DCN: variants seen among roughly 807,000 people sequenced by gnomAD.
DCN encodes the protein decorin, also known as bone proteoglycan II.
DCN carries 17 observed loss-of-function variants against 36.5 expected under a neutral mutation model. The observed-to-expected ratio is 0.47, with a 90% confidence interval of 0.32 to 0.70. The LOEUF is 0.70. Among genes scored for constraint, DCN ranks in the 30% least tolerant of loss-of-function variants. DCN has a pLI of 0.04. For missense variants in DCN, 389 were observed against 430.1 expected (o/e 0.90, Z 0.84); for synonymous variants, 163 against 161.4 (o/e 1.01, Z -0.07).
chr12:91,172,922 C>T (rs923797409), intron 2 of DCN: 1 of 563,784 alleles, frequency 1.8e-6, no homozygotes, highest in Non-Finnish European at 3.1e-6. Flanking sequence ...ATTGTATAAT[C>T]ACAGATATGT....
At chr12:91,159,683 T>C (rs2121218584) in intron 3 of DCN, among the ~76,000 whole-genome samples, 1 of 152,168 alleles carries the variant, frequency 6.6e-6, no homozygotes, top group African/African-American at 2.4e-5. Flanking sequence ...TCTCCTTATA[T>C]AAGAAATTAC....
chr12:91,162,526 C>T (rs1249751458), intron 3 of DCN, among the ~76,000 whole-genome samples: 2 of 152,070 alleles, frequency 1.3e-5, no homozygotes, highest in Non-Finnish European at 2.9e-5. Flanking sequence ...TGCCTATTCT[C>T]ATGACATATC....
intron 5 of DCN, among the ~76,000 whole-genome samples, chr12:91,155,099 C>T (rs981203067): frequency 4.6e-5 from 7 of 152,100 alleles, no homozygotes; most frequent in African/African-American, 1.7e-4. Flanking sequence ...ATTAGATAAG[C>T]ATAACGATGA....
chr12:91,164,478 AGGT>A, intron 3 of DCN, 124 bp downstream of exon 3: 1 of 445,410 alleles, frequency 2.2e-6, no homozygotes, highest in Non-Finnish European at 4.0e-6. Flanking sequence ...AAAAAAAAAA[AGGT>A]GAAGTTAATA....
At chr12:91,163,715 A>T (rs1882311778) in intron 3 of DCN, among the ~76,000 whole-genome samples, 1 of 152,230 alleles carries the variant, frequency 6.6e-6, no homozygotes, top group South Asian at 2.1e-4. Flanking sequence ...AATCCTAAAG[A>T]TAAAGCAAGA....
chr12:91,152,169 A>G (rs1881473359), intron 6 of DCN, among the ~76,000 whole-genome samples: 1 of 152,150 alleles, frequency 6.6e-6, no homozygotes, highest in African/African-American at 2.4e-5. Flanking sequence ...ATAAACAAAT[A>G]TTCTTGAAAA....
chr12:91,155,367 A>C (rs969900353), intron 5 of DCN, among the ~76,000 whole-genome samples: 1 of 152,202 alleles, frequency 6.6e-6, no homozygotes, highest in African/African-American at 2.4e-5. Flanking sequence ...TACATGCTTA[A>C]TAAATTGTAG....
At chr12:91,181,188 G>A (rs1293105238) in intron 1 of DCN, among the ~76,000 whole-genome samples, 1 of 151,564 alleles carries the variant, frequency 6.6e-6, no homozygotes, top group Admixed American at 6.6e-5. Context: ...TCATGTGTGT[G>A]TGACAGAGAG....
intron 1 of DCN, chr12:91,180,245 T>G (rs1883511180): frequency 6.6e-6 from 1 of 150,706 alleles, no homozygotes; most frequent in African/African-American, 2.5e-5. Flanking sequence ...AGTAGAATCT[T>G]ACAGCTGTTT....
rs1030525320 is a variant in DCN at position 91,145,194 on chromosome 12, A to T, written c.*864T>A. The T allele has an allele frequency of 3.3e-5, 5 of 152,246 alleles. No individual in the cohort carries two copies. Among genetic ancestry groups the T allele is most frequent in the Non-Finnish European group, 5.9e-5 (4 of 68,038 alleles). 9.4% of individuals were successfully genotyped at this position (152,246 alleles called of 1,614,324 possible). A position where few individuals can be genotyped will look rare whatever the true frequency, so the allele number is the denominator to read the frequency against. On this transcript the variant is annotated 3_prime_UTR_variant, in exon 8 of 8. Transcript: ENST00000052754. ...CATTTCTAACATGGGTGGTTTAACTAAAGAAAATACTTACGTCTAATACAT... is the reference window on the plus strand; with the variant it reads ...CATTTCTAACATGGGTGGTTTAACTTAAGAAAATACTTACGTCTAATACAT...
At chr12:91,147,142 A>G (rs1486316153) in intron 7 of DCN, among the ~76,000 whole-genome samples, 2 of 152,186 alleles carry the variant, frequency 1.3e-5, no homozygotes, top group Non-Finnish European at 2.9e-5. Flanking sequence ...TACAAATCCT[A>G]CATGATCTGA....
chr12:91,168,863 C>T (rs550333695), intron 2 of DCN, among the ~76,000 whole-genome samples: 1 of 152,310 alleles, frequency 6.6e-6, no homozygotes, highest in Admixed American at 6.5e-5. Context: ...TTGTCACATA[C>T]ATATCTCAAG....
At chr12:91,180,028 C>T (rs1221415388) in intron 1 of DCN, among the ~76,000 whole-genome samples, 2 of 149,882 alleles carry the variant, frequency 1.3e-5, no homozygotes. Context: ...GTGACAAAAT[C>T]GTAATAAATC....
In DCN at chr12:91,146,123, T is replaced by A; in HGVS notation, c.1015A>T (p.Ile339Leu). ...LFSNPVQYWE[I>L]QPSTFRCVYV... Reference sequence around the variant, plus strand: ...ACACATCTGAAGGTGGATGGCTGTATCTCCCAGTACTGGACCGGGTTGCTG... The same window carrying A: ...ACACATCTGAAGGTGGATGGCTGTAACTCCCAGTACTGGACCGGGTTGCTG... Residue 339 changes from isoleucine (I) to leucine (L), a missense_variant, in exon 8 of 8, where the codon ATA becomes TTA. Transcript: ENST00000052754. 3.1e-6 allele frequency: 5 copies of A among 1,613,934 alleles called. No homozygotes were observed. The highest frequency in any genetic ancestry group is 4.2e-6 in the Non-Finnish European group (5 of 1,179,950).
chr12:91,157,032 T>C lies in DCN; in HGVS notation c.652+43A>G, dbSNP rs772675673. The C allele has an allele frequency of 1.6e-5, 23 of 1,403,860 alleles. No homozygotes were observed. The South Asian group carries it at 2.5e-4, about 15-fold the overall frequency. The allele number at this position is 1,403,860 out of a possible 1,614,324, so 87.0% of individuals were successfully genotyped here. ...ATTTTTTTTTTTTAATTAAAGCCTT[T>C]GAATTTAAATTTTTCAAAATGTTTT... On this transcript the variant is annotated intron_variant, in intron 5 of 7. Transcript: ENST00000052754.
intron 5 of DCN, among the ~76,000 whole-genome samples, chr12:91,156,807 C>T (rs373072149): frequency 6.6e-6 from 1 of 151,254 alleles, no homozygotes; most frequent in Non-Finnish European, 1.5e-5. Context: ...GTGTCTTAAA[C>T]TAGACATTAA....
At position 91,144,066 on chromosome 12, in the gene DCN, C is replaced by T. The variant is rs1880870239; in HGVS notation, c.*1992G>A. On this transcript the variant is annotated 3_prime_UTR_variant, in exon 8 of 8. Coordinates refer to ENST00000052754, the MANE Select transcript of DCN (RefSeq NM_001920.5). ...TCTTTAGATTTCTACTTATTTCTCACCACACTTGTCAGTTAAGCAGCAGGA... is the reference window on the plus strand; with the variant it reads ...TCTTTAGATTTCTACTTATTTCTCATCACACTTGTCAGTTAAGCAGCAGGA... 1 of 152,036 alleles carries T rather than the reference C, an allele frequency of 6.6e-6. No homozygotes were observed. The highest frequency in any genetic ancestry group is 2.4e-5 in the African/African-American group (1 of 41,388). 9.4% of individuals were successfully genotyped at this position (152,036 alleles called of 1,614,324 possible).
intron 1 of DCN, among the ~76,000 whole-genome samples, chr12:91,181,832 C>T (rs531406527): frequency 4.7e-4 from 72 of 151,652 alleles, no homozygotes; most frequent in Non-Finnish European, 8.5e-4. Context: ...AGAATAAAGG[C>T]GGCATTTATC....
In DCN at chr12:91,145,972, T is replaced by C; in HGVS notation, c.*86A>G. 8.5e-7 allele frequency: 1 copy of C among 1,174,722 alleles called. No individual in the cohort carries two copies. Among genetic ancestry groups the C allele is most frequent in the Non-Finnish European group, 1.3e-6 (1 of 784,184 alleles). The allele number at this position is 1,174,722 out of a possible 1,614,324, so 72.8% of individuals were successfully genotyped here. A position where few individuals can be genotyped will look rare whatever the true frequency, so the allele number is the denominator to read the frequency against. The stretch of plus-strand genomic sequence containing the variant: ...GTAAAACATCCACATTGCAGTTAGG[T>C]TTCCAGTATCTAGCTTTTATTTATT... On this transcript the variant is annotated 3_prime_UTR_variant, in exon 8 of 8. Transcript: ENST00000052754.
Sources: allele counts gnomAD v4.1 joint callset (sites outside exome capture counted in the v4.1 genomes callset), GRCh38; gene constraint gnomAD v4.1.1; transcripts MANE v1.5; gene names NCBI Gene and HGNC (gene_info 2026-07-23, HGNC 2026-07-21).